Variants in AKAP1 observed in about 807,000 individuals in gnomAD.
The protein encoded by AKAP1 is A-kinase anchoring protein 1, also known as A-kinase anchor protein 1, mitochondrial.
AKAP1 carries 32 observed loss-of-function variants against 79.8 expected under a neutral mutation model. The ratio of observed to expected loss-of-function variants is 0.40; its 90% confidence interval spans 0.30 to 0.54. The LOEUF is 0.54. AKAP1 is among the 20% of genes least tolerant of loss of function. The pLI is 0.47. For synonymous variants in AKAP1, 416 were observed against 466.7 expected (o/e 0.89, Z 1.40); for missense variants, 961 against 1,138.9 (o/e 0.84, Z 2.25).
In AKAP1 at chr17:57,114,669, A is replaced by C. The variant is rs750224284; in HGVS notation, c.2281+33A>C. 8.2e-6 allele frequency: 13 copies of C among 1,588,804 alleles called. No homozygotes were observed. The Admixed American group carries it at 1.8e-4, about 22-fold the overall frequency. ...GTGCCCTGAGGGGTCGGGAAGGGGGACCCCTGGGGTTGCCTGTTCTGCCCT... is the reference window on the plus strand; with the variant it reads ...GTGCCCTGAGGGGTCGGGAAGGGGGCCCCCTGGGGTTGCCTGTTCTGCCCT... On this transcript the variant is annotated intron_variant, in intron 6 of 10. Coordinates refer to ENST00000337714, the MANE Select transcript of AKAP1 (RefSeq NM_003488.4).
At chr17:57,105,354 C>A in intron 1 of AKAP1, 87 bp from the exon 2 acceptor site, 2 of 1,308,988 alleles carry the variant, frequency 1.5e-6, no homozygotes, top group East Asian at 2.3e-5. Context: ...CAGCTCTACC[C>A]TGTTGACTGT....
chr17:57,098,959 G>A (rs915700207), intron 1 of AKAP1, among the ~76,000 whole-genome samples: 11 of 151,432 alleles, frequency 7.3e-5, no homozygotes, highest in East Asian at 3.9e-4. Flanking sequence ...TAGTAGAGGC[G>A]GGGTTTCACT....
In AKAP1 at chr17:57,086,614, C is replaced by A; in HGVS notation, c.-25+1216C>A. 1 of 342,822 alleles carries A rather than the reference C, an allele frequency of 2.9e-6. No homozygotes were observed. Among genetic ancestry groups the A allele is most frequent in the Non-Finnish European group, 5.7e-6 (1 of 173,984 alleles). 21.2% of individuals were successfully genotyped at this position (342,822 alleles called of 1,614,324 possible). On this transcript the variant is annotated intron_variant, in intron 1 of 10. Coordinates refer to ENST00000337714, the MANE Select transcript of AKAP1 (RefSeq NM_003488.4). This position sits in a 1 kb window ranked among gnomAD's most constrained non-coding sequence, Gnocchi z 5.1. Reference sequence around the variant, plus strand: ...GTGAGGTTAACCTGGGTATCTTTCCCCTACTGTAGTGCGCGTTACTTCGTG... The same window carrying A: ...GTGAGGTTAACCTGGGTATCTTTCCACTACTGTAGTGCGCGTTACTTCGTG...
rs149198901 is a variant in AKAP1, at chr17:57,103,390, A to G, written c.-24-2051A>G. Among the ~76,000 whole-genome samples, 638 of 152,286 alleles carry G rather than the reference A, an allele frequency of 4.2e-3. 2 individuals carry two copies. Among genetic ancestry groups the G allele is most frequent in the African/African-American group, 0.015 (605 of 41,562 alleles). On this transcript the variant is annotated intron_variant, in intron 1 of 10. Coordinates refer to ENST00000337714, the MANE Select transcript of AKAP1 (RefSeq NM_003488.4). ...TCCCCTAGGGATCTTGTTAAAATGC[A>G]AGTCTGAGGTGAGACTGGGATACTG...
At chr17:57,114,150 AAGGCCCAGCACTACCTCCGC>A (rs1915430141) in intron 5 of AKAP1, among the ~76,000 whole-genome samples, 1 of 152,174 alleles carries the variant, frequency 6.6e-6, no homozygotes, top group African/African-American at 2.4e-5. Flanking sequence ...AGGCCTGTGC[AAGGCCCAGCACTACCTCCGC>A]AGTTGCTTCT....
In AKAP1 at chr17:57,120,357, C is replaced by T; in HGVS notation, c.*33C>T. On this transcript the variant is annotated 3_prime_UTR_variant, in exon 11 of 11. Coordinates refer to ENST00000337714, the MANE Select transcript of AKAP1 (RefSeq NM_003488.4). ...GCTGCTTCCTGAGAGTCTTTTTTTG[C>T]ACTGTTGAAATTGGGCTTGGCACTC... The T allele has an allele frequency of 6.3e-7, 1 of 1,591,130 alleles. No homozygotes were observed. The highest frequency in any genetic ancestry group is 1.1e-5 in the South Asian group (1 of 89,016).
chr17:57,111,650 T>C (rs1029022977), intron 3 of AKAP1, 148 bp from the exon 4 acceptor site: 88 of 973,198 alleles, frequency 9.0e-5, no homozygotes, highest in Middle Eastern at 2.7e-4. Flanking sequence ...TAAATGTAAG[T>C]GCTTAGAATA....
chr17:57,089,438 TGTGACTA>T (rs1734541360), intron 1 of AKAP1, among the ~76,000 whole-genome samples: 1 of 152,228 alleles, frequency 6.6e-6, no homozygotes, highest in South Asian at 2.1e-4. Flanking sequence ...CTGCTAGCTG[TGTGACTA>T]ATTAAACTTT....
At chr17:57,093,709 A>T (rs967177468) in intron 1 of AKAP1, 1 of 152,224 alleles carries the variant, frequency 6.6e-6, no homozygotes, top group African/African-American at 2.4e-5. Flanking sequence ...TTACTTGTAG[A>T]AAGGATTTGG....
At chr17:57,096,799 C>T (rs1361020943) in intron 1 of AKAP1, 1 of 152,344 alleles carries the variant, frequency 6.6e-6, no homozygotes, top group Non-Finnish European at 1.5e-5. Flanking sequence ...ATCCAGCCCT[C>T]CTGTTCATTG....
chr17:57,099,475 C>T (rs1200548500), intron 1 of AKAP1, among the ~76,000 whole-genome samples: 3 of 152,122 alleles, frequency 2.0e-5, no homozygotes, highest in Non-Finnish European at 4.4e-5. Context: ...GAGATGGGCA[C>T]TGGGAATTTA....
intron 10 of AKAP1, among the ~76,000 whole-genome samples, chr17:57,119,665 A>G (rs1481058098): frequency 6.6e-6 from 1 of 151,756 alleles, no homozygotes; most frequent in Non-Finnish European, 1.5e-5. Flanking sequence ...CAGTGAACCA[A>G]CATTGTGCCA....
chr17:57,119,576 G>A (rs1915791729), intron 10 of AKAP1, among the ~76,000 whole-genome samples: 1 of 151,910 alleles, frequency 6.6e-6, no homozygotes, highest in Non-Finnish European at 1.5e-5. Flanking sequence ...TCTGCTGGGT[G>A]TGGTGATGCA....
rs1036422001 is a variant in AKAP1, at chr17:57,113,594, C to CTT, written c.2104-840_2104-839dup. Among the ~76,000 whole-genome samples, 502 of 82,508 alleles carry CTT rather than the reference C, an allele frequency of 6.1e-3. 79 individuals are homozygous for CTT. The highest frequency in any genetic ancestry group is 0.014 in the African/African-American group (240 of 17,028). The allele number at this position is 82,508 out of a possible 152,430, so 54.1% of individuals were successfully genotyped here. A position where few individuals can be genotyped will look rare whatever the true frequency, so the allele number is the denominator to read the frequency against. On this transcript the variant is annotated intron_variant, in intron 5 of 10. Transcript: ENST00000337714. ...GGAGGCTCGGTCGTAGACTCACTCT[C>CTT]TTTTTTTTTTTTTTTTTTTTTTTTT...
At chr17:57,111,012 C>G (rs3094438) in intron 3 of AKAP1, among the ~76,000 whole-genome samples, 100,719 of 151,774 alleles carry the variant, frequency 0.66, 34,449 homozygotes, top group East Asian at 0.84. Context: ...TGTTTTGACC[C>G]TGGGTTGCGA....
intron 9 of AKAP1, 45 bp downstream of exon 9, chr17:57,118,499 T>C (rs1204963487): frequency 6.3e-7 from 1 of 1,598,416 alleles, no homozygotes; most frequent in African/African-American, 1.3e-5. Flanking sequence ...GCTGGGTTCT[T>C]GGGAACTGAC....
At chr17:57,114,717 G>A in intron 6 of AKAP1, 81 bp downstream of exon 6, 2 of 1,385,484 alleles carry the variant, frequency 1.4e-6, no homozygotes, top group South Asian at 2.6e-5. Context: ...GGAGGAGGCT[G>A]TTCTGCGATC....
Position 57,118,977 on chromosome 17 carries a change from T to G in AKAP1, c.2575-5T>G. On this transcript the variant is annotated splice_polypyrimidine_tract_variant and splice_region_variant and intron_variant, in intron 9 of 10. Coordinates refer to ENST00000337714, the MANE Select transcript of AKAP1 (RefSeq NM_003488.4). The stretch of plus-strand genomic sequence containing the variant: ...CATATTATTCTTTCCACCCCCCTTC[T>G]TCAGGTGACAAGTTACAGTCCAACT... 6.2e-7 allele frequency: 1 copy of G among 1,613,282 alleles called. No homozygotes were observed. Among genetic ancestry groups the G allele is most frequent in the African/African-American group, 1.3e-5 (1 of 75,036 alleles).
intron 10 of AKAP1, among the ~76,000 whole-genome samples, chr17:57,119,336 G>A (rs369396905): frequency 3.3e-5 from 5 of 152,260 alleles, no homozygotes; most frequent in Admixed American, 6.5e-5. Flanking sequence ...AACCCTGTGC[G>A]AGACTTTCTG....
Sources: gnomAD v4.1 joint callset for allele counts (sites outside exome capture counted in the v4.1 genomes callset) on GRCh38, gnomAD v4.1.1 for gene constraint, Gnocchi (gnomAD v3.1) non-coding constraint, MANE v1.5 for transcripts, NCBI Gene and HGNC (gene_info 2026-07-23, HGNC 2026-07-21) for gene names.